Variants in DNAH2 observed in about 807,000 individuals in gnomAD.
The protein encoded by DNAH2 is axonemal beta dynein heavy chain 2.
DNAH2 carries 323 observed loss-of-function variants against 523.5 expected under a neutral mutation model. The observed-to-expected ratio is 0.62, with a 90% confidence interval of 0.56 to 0.68. The LOEUF (loss-of-function observed/expected upper bound fraction) is 0.68, where lower values mean the gene tolerates loss of function less well. Ranked by LOEUF, DNAH2 falls within the 30% of genes least tolerant of loss-of-function variation. The pLI is 0.00. For missense variants in DNAH2, 4,907 were observed against 5,701.5 expected (o/e 0.86, Z 4.49); for synonymous variants, 2,093 against 2,177.4 (o/e 0.96, Z 1.08).
intron 44 of DNAH2, among the ~76,000 whole-genome samples, chr17:7,790,630 T>C (rs1331557539): frequency 6.6e-6 from 1 of 152,168 alleles, no homozygotes; most frequent in Admixed American, 6.5e-5. Flanking sequence ...TTCCCCTCTC[T>C]CCTCCCAGTC....
chr17:7,775,355 G>T lies in DNAH2; in HGVS notation c.4821+13G>T. 1 of 1,602,504 alleles carries T rather than the reference G, an allele frequency of 6.2e-7. No individual in the cohort carries two copies. The highest frequency in any genetic ancestry group is 2.2e-5 in the East Asian group (1 of 44,676). Reference sequence around the variant, plus strand: ...AGGCCCTGTGGAGGTGAGTTGTGGTGAGGGTCTGAGGACCTAGCTGATTCT... The same window carrying T: ...AGGCCCTGTGGAGGTGAGTTGTGGTTAGGGTCTGAGGACCTAGCTGATTCT... On this transcript the variant is annotated intron_variant, in intron 30 of 85. Transcript: ENST00000572933.
In DNAH2 at chr17:7,831,482, C is replaced by T. The variant is rs11872058; in HGVS notation, c.12552C>T (p.Pro4184=). The T allele has an allele frequency of 2.0e-5, 33 of 1,614,072 alleles. No homozygotes were observed. The highest frequency in any genetic ancestry group is 2.6e-5 in the Non-Finnish European group (31 of 1,180,036). Residue 4184 remains proline, a synonymous_variant, in exon 81 of 86, where the codon CCC becomes CCT. Coordinates refer to ENST00000572933, the MANE Select transcript of DNAH2 (RefSeq NM_020877.5). This position sits in a 1 kb window ranked among gnomAD's most constrained non-coding sequence, Gnocchi z 4.2. ...AACTGCTAGCTCTCGACCCCTCCCCCCTCAATGTGGTCCTTCTGCAGGAGA... is the reference window on the plus strand; with the variant it reads ...AACTGCTAGCTCTCGACCCCTCCCCTCTCAATGTGGTCCTTCTGCAGGAGA... ...TQKLLALDPS[P]LNVVLLQEIQ...
Position 7,760,193 on chromosome 17 carries a change from C to A in DNAH2, c.2785+255C>A, listed in dbSNP as rs2075966026. 6.6e-6 allele frequency among the ~76,000 whole-genome samples: 1 copy of A among 152,108 alleles called. No individual in the cohort carries two copies. Among genetic ancestry groups the A allele is most frequent in the Non-Finnish European group, 1.5e-5 (1 of 68,018 alleles). On this transcript the variant is annotated intron_variant, in intron 17 of 85. Transcript: ENST00000572933. The surrounding 1 kb of genome is among the most constrained non-coding windows in gnomAD (Gnocchi z 4.0). ...GACTAGCCTGGCCAACATGGCAAAA[C>A]CCCATCTCTACTAAAAATCCAAAAA...
chr17:7,825,219 A>T (rs1411183644), intron 77 of DNAH2, among the ~76,000 whole-genome samples: 1 of 152,126 alleles, frequency 6.6e-6, no homozygotes, highest in East Asian at 1.9e-4. Context: ...TTTTATCTCC[A>T]ATATCACAAG....
chr17:7,791,361 G>A lies in DNAH2; in HGVS notation c.6901-556G>A, dbSNP rs766014204. Among the ~76,000 whole-genome samples, 8 of 152,122 alleles carry A rather than the reference G, an allele frequency of 5.3e-5. No homozygotes were observed. The East Asian group carries it at 5.8e-4, about 11-fold the overall frequency. Reference sequence around the variant, plus strand: ...GCTGGGATTACAGGCATGAGCCACCGTGCCTGACTGAAAATGTGGTATTTT... The same window carrying A: ...GCTGGGATTACAGGCATGAGCCACCATGCCTGACTGAAAATGTGGTATTTT... On this transcript the variant is annotated intron_variant, in intron 44 of 85. Transcript: ENST00000572933.
In DNAH2 at chr17:7,768,160, T is replaced by C. The variant is rs1848553630; in HGVS notation, c.3838-4T>C. 1 of 1,614,036 alleles carries C rather than the reference T, an allele frequency of 6.2e-7. No individual in the cohort carries two copies. Among genetic ancestry groups the C allele is most frequent in the South Asian group, 1.1e-5 (1 of 91,082 alleles). On this transcript the variant is annotated splice_polypyrimidine_tract_variant and splice_region_variant and intron_variant, in intron 23 of 85. Coordinates refer to ENST00000572933, the MANE Select transcript of DNAH2 (RefSeq NM_020877.5). ...GTCTTCTCATGCCCCCAACTTTTGC[T>C]CAGGACCGAAACTGGGAAATTATTG...
intron 76 of DNAH2, 23 bp downstream of exon 76, chr17:7,824,327 A>G: frequency 1.4e-6 from 2 of 1,477,308 alleles, no homozygotes; most frequent in Non-Finnish European, 1.8e-6. Flanking sequence ...CCTTTCTTCC[A>G]CCCCCATCTT....
rs375170916 is a variant in DNAH2, at chr17:7,799,022, G to A, written c.8560-81G>A. On this transcript the variant is annotated intron_variant, in intron 55 of 85. Transcript: ENST00000572933. ...TCAAGTCCAGCCTGGGAAACACTTCGTCAGCCCCACCTGACCCGCTGCCCC... is the reference window on the plus strand; with the variant it reads ...TCAAGTCCAGCCTGGGAAACACTTCATCAGCCCCACCTGACCCGCTGCCCC... 1.0e-4 allele frequency: 156 copies of A among 1,553,090 alleles called. 1 individual carries two copies. The highest frequency in any genetic ancestry group is 9.7e-4 in the African/African-American group (72 of 74,018).
rs1491221770 is a variant in DNAH2 at position 7,786,751 on chromosome 17, T to TG, written c.6466+68dup. 2.3e-5 allele frequency: 37 copies of TG among 1,600,278 alleles called. No homozygotes were observed. The highest frequency in any genetic ancestry group is 3.0e-5 in the Non-Finnish European group (35 of 1,169,472). ...GAGTCTCCTAAGGGGGCAGGGAGTCTGGGGATAGGAAGTTCCAAGTTGGGA... is the reference window on the plus strand; with the variant it reads ...GAGTCTCCTAAGGGGGCAGGGAGTCTGGGGGATAGGAAGTTCCAAGTTGGGA... On this transcript the variant is annotated intron_variant, in intron 41 of 85. Coordinates refer to ENST00000572933, the MANE Select transcript of DNAH2 (RefSeq NM_020877.5). This position sits in a 1 kb window ranked among gnomAD's most constrained non-coding sequence, Gnocchi z 7.5.
At position 7,832,614 on chromosome 17, in the gene DNAH2, C is replaced by T; in HGVS notation, c.12762C>T (p.Thr4254=). Residue 4254 remains threonine (T), a synonymous_variant, in exon 83 of 86, where the codon ACC becomes ACT. Transcript: ENST00000572933. This position sits in a 1 kb window ranked among gnomAD's most constrained non-coding sequence, Gnocchi z 4.3. ...CACAAAAGCCATTGGCTGCCTGGAC[C>T]CGGGACTTGGCCATGCGTGTGGAGC... The part of the protein sequence containing the change: ...YPSQKPLAAW[T]RDLAMRVEQF... 2 of 1,614,166 alleles carry T rather than the reference C, an allele frequency of 1.2e-6. No homozygotes were observed. Among genetic ancestry groups the T allele is most frequent in the Non-Finnish European group, 1.7e-6 (2 of 1,180,046 alleles).
At chr17:7,734,365 C>T in intron 6 of DNAH2, 72 bp downstream of exon 6, 1 of 1,599,980 alleles carries the variant, frequency 6.3e-7, no homozygotes, top group Non-Finnish European at 8.6e-7. Flanking sequence ...CGGATGCTGA[C>T]AATGGAGTTG....
At position 7,780,225 on chromosome 17, in the gene DNAH2, C is replaced by A; in HGVS notation, c.5791C>A (p.Pro1931Thr). ...GTTCCGCCCAATTGCCATGGTGGTG[C>A]CTGACTCCACCCTCATTGCAGAAAT... ...SMFRPIAMVV[P>T]DSTLIAEIIL... The change falls in exon 37 of 86, where the codon CCT becomes ACT. Residue 1931 changes from proline to threonine, a missense_variant. This residue lies in a region of DNAH2 where 2,806 missense variants were observed against 3,190.8 expected (regional missense o/e 0.88). Coordinates refer to ENST00000572933, the MANE Select transcript of DNAH2 (RefSeq NM_020877.5). The surrounding 1 kb of genome is among the most constrained non-coding windows in gnomAD (Gnocchi z 4.4). The A allele has an allele frequency of 6.2e-7, 1 of 1,614,170 alleles. No individual in the cohort carries two copies.
rs1408447808 is a variant in DNAH2, at chr17:7,734,466, G to A, written c.740-4G>A. 6.2e-7 allele frequency: 1 copy of A among 1,613,784 alleles called. No individual in the cohort carries two copies. The highest frequency in any genetic ancestry group is 1.7e-5 in the Admixed American group (1 of 59,948). On this transcript the variant is annotated splice_region_variant and splice_polypyrimidine_tract_variant and intron_variant, in intron 6 of 85. Transcript: ENST00000572933. ...CGAAGGAGATTTTGTACTCTCCCCT[G>A]CAGCCTCCATGATCCACTGGACCCG...
At chr17:7,820,943 G>A (rs1486453650) in intron 72 of DNAH2, among the ~76,000 whole-genome samples, 2 of 152,134 alleles carry the variant, frequency 1.3e-5, no homozygotes, top group Non-Finnish European at 2.9e-5. Flanking sequence ...GGAGCCTGAC[G>A]CAGGAGAATC....
At chr17:7,745,111 C>A (rs551629772) in intron 12 of DNAH2, among the ~76,000 whole-genome samples, 1 of 152,162 alleles carries the variant, frequency 6.6e-6, no homozygotes, top group African/African-American at 2.4e-5. Context: ...TCTCCTGCCT[C>A]AGCCTCCCGA....
intron 2 of DNAH2, among the ~76,000 whole-genome samples, chr17:7,720,895 T>C (rs1437447137): frequency 6.6e-6 from 1 of 151,802 alleles, no homozygotes; most frequent in Admixed American, 6.6e-5. Flanking sequence ...AGGTTCAGTA[T>C]GGAGAATCCT....
Position 7,780,335 on chromosome 17 carries a change from A to C in DNAH2, c.5850+51A>C. The C allele has an allele frequency of 6.2e-7, 1 of 1,613,140 alleles. No homozygotes were observed. Among genetic ancestry groups the C allele is most frequent in the Non-Finnish European group, 8.5e-7 (1 of 1,179,618 alleles). On this transcript the variant is annotated intron_variant, in intron 37 of 85. Coordinates refer to ENST00000572933, the MANE Select transcript of DNAH2 (RefSeq NM_020877.5). This position sits in a 1 kb window ranked among gnomAD's most constrained non-coding sequence, Gnocchi z 4.4. The stretch of plus-strand genomic sequence containing the variant: ...GTGATTTTAATTTCCTTTCATAATT[A>C]TTCCCTGGACAGAGGAGCTCCCCAA...
intron 28 of DNAH2, among the ~76,000 whole-genome samples, chr17:7,773,357 G>A (rs1355504621): frequency 6.6e-6 from 1 of 152,080 alleles, no homozygotes; most frequent in Non-Finnish European, 1.5e-5. Context: ...AAGCTCTTGG[G>A]TTGGCCAGTG....
In DNAH2 at chr17:7,817,503, C is replaced by T. The variant is rs561945626; in HGVS notation, c.10021-58C>T. ...GGAATATTAAGAGATACCGTGAAGG[C>T]GCGGGGGCTGCTGGGCTCAGCTCTT... On this transcript the variant is annotated intron_variant, in intron 65 of 85. Coordinates refer to ENST00000572933, the MANE Select transcript of DNAH2 (RefSeq NM_020877.5). The T allele has an allele frequency of 1.4e-4, 226 of 1,613,562 alleles. 1 individual carries two copies. The highest frequency in any genetic ancestry group is 1.4e-3 in the African/African-American group (102 of 74,942).
Sources: gnomAD v4.1 joint callset for allele counts (sites outside exome capture counted in the v4.1 genomes callset) on GRCh38, gnomAD v4.1.1 for gene constraint, gnomAD v4.1.1 regional missense constraint, Gnocchi (gnomAD v3.1) non-coding constraint, MANE v1.5 for transcripts, NCBI Gene and HGNC (gene_info 2026-07-23, HGNC 2026-07-21) for gene names.